Variants in NKAIN2 observed in about 807,000 individuals in gnomAD.
NKAIN2 encodes the protein sodium/potassium transporting ATPase interacting 2, also known as sodium/potassium-transporting ATPase subunit beta-1-interacting protein 2.
In NKAIN2, 14 loss-of-function variants were observed where a neutral mutation model predicts 32.6. The observed-to-expected ratio is 0.43, with a 90% CI of 0.28 to 0.67. The LOEUF is 0.67. Among genes scored for constraint, NKAIN2 ranks in the 30% least tolerant of loss-of-function variants. NKAIN2 has a pLI of 0.17. For synonymous variants in NKAIN2, 80 were observed against 87.2 expected (o/e 0.92, Z 0.46); for missense variants, 198 against 258.3 (o/e 0.77, Z 1.60).
Position 124,587,381 on chromosome 6 carries a change from G to A in NKAIN2, c.274-70805G>A, listed in dbSNP as rs144734350. Among the ~76,000 whole-genome samples, 135 of 151,802 alleles carry A rather than the reference G, an allele frequency of 8.9e-4. No homozygotes were observed. In the East Asian group the frequency reaches 0.022, roughly 25 times the overall value. On this transcript the variant is annotated intron_variant, in intron 3 of 6. Coordinates refer to ENST00000368417, the MANE Select transcript of NKAIN2 (RefSeq NM_001040214.3). ...ATTACAGGCGCATGCCACCACGCCCGGCTAATTTTTGTATTTTTAGTAGAG... is the reference window on the plus strand; with the variant it reads ...ATTACAGGCGCATGCCACCACGCCCAGCTAATTTTTGTATTTTTAGTAGAG...
intron 1 of NKAIN2, among the ~76,000 whole-genome samples, chr6:124,016,593 C>T (rs991035099): frequency 2.6e-5 from 4 of 152,166 alleles, no homozygotes; most frequent in African/African-American, 9.7e-5. Flanking sequence ...GAGCCTACTA[C>T]TCTGGACCAC....
At chr6:124,653,044 T>C (rs1234911906) in intron 3 of NKAIN2, among the ~76,000 whole-genome samples, 1 of 152,204 alleles carries the variant, frequency 6.6e-6, no homozygotes, top group Non-Finnish European at 1.5e-5. Flanking sequence ...TCAATGTTTA[T>C]GGATAGAAAG....
chr6:124,429,977 G>T (rs1775144910), intron 3 of NKAIN2, among the ~76,000 whole-genome samples: 2 of 151,020 alleles, frequency 1.3e-5, no homozygotes, highest in Non-Finnish European at 3.0e-5. Flanking sequence ...TTAGGTAGAT[G>T]AAATGAGGCA....
intron 3 of NKAIN2, among the ~76,000 whole-genome samples, chr6:124,620,841 A>G (rs1250924899): frequency 6.6e-6 from 1 of 152,226 alleles, no homozygotes; most frequent in Non-Finnish European, 1.5e-5. Context: ...AACTCCTGCT[A>G]AAGAAAACTT....
chr6:124,249,551 T>C (rs1793591462), intron 1 of NKAIN2, among the ~76,000 whole-genome samples: 2 of 152,070 alleles, frequency 1.3e-5, no homozygotes, highest in Admixed American at 1.3e-4. Context: ...TGAGCACAAC[T>C]CTTCTTACTG....
At chr6:124,201,297 A>G (rs974094259) in intron 1 of NKAIN2, among the ~76,000 whole-genome samples, 2 of 152,028 alleles carry the variant, frequency 1.3e-5, no homozygotes, top group Non-Finnish European at 2.9e-5. Flanking sequence ...TAATTAAAAT[A>G]AATATGCATT....
chr6:124,712,251 G>C (rs1775521540), intron 4 of NKAIN2, among the ~76,000 whole-genome samples: 1 of 143,868 alleles, frequency 7.0e-6, no homozygotes, highest in Non-Finnish European at 1.5e-5. Flanking sequence ...TAAGTCTGCA[G>C]AGGTTACTGC....
At chr6:124,090,265 C>T (rs1290211144) in intron 1 of NKAIN2, among the ~76,000 whole-genome samples, 1 of 151,962 alleles carries the variant, frequency 6.6e-6, no homozygotes, top group African/African-American at 2.4e-5. Flanking sequence ...GATTCTTTAA[C>T]TGAAGTCAAA....
intron 1 of NKAIN2, among the ~76,000 whole-genome samples, chr6:124,024,909 C>T (rs1395593492): frequency 1.3e-5 from 2 of 151,800 alleles, no homozygotes; most frequent in African/African-American, 4.8e-5. Flanking sequence ...ATCGCTTGAA[C>T]TTGGGAGGCA....
rs1324677270 is a variant in NKAIN2 at position 124,447,661 on chromosome 6, G to A, written c.273+92314G>A. Among the ~76,000 whole-genome samples, 4 of 152,126 alleles carry A rather than the reference G, an allele frequency of 2.6e-5. No homozygotes were observed. In the East Asian group the frequency reaches 7.7e-4, roughly 29 times the overall value. On this transcript the variant is annotated intron_variant, in intron 3 of 6. Transcript: ENST00000368417. ...AAGAACAGGTCATAGAATCTTAATT[G>A]ACTTCAGCTATTTCAAGCATTCTGC... is the stretch of plus-strand genomic sequence containing the variant.
At chr6:123,867,519 A>G (rs1236388262) in intron 1 of NKAIN2, among the ~76,000 whole-genome samples, 1 of 152,216 alleles carries the variant, frequency 6.6e-6, no homozygotes, top group Non-Finnish European at 1.5e-5. Flanking sequence ...GAATAAAAGT[A>G]TTTACTTCAC....
intron 3 of NKAIN2, among the ~76,000 whole-genome samples, chr6:124,442,404 T>C (rs1008299578): frequency 2.6e-5 from 4 of 152,100 alleles, no homozygotes; most frequent in African/African-American, 9.7e-5. Flanking sequence ...AGCTGATTGA[T>C]GCATGGCCCA....
chr6:124,307,774 A>G (rs1796563950), intron 2 of NKAIN2, among the ~76,000 whole-genome samples: 2 of 152,162 alleles, frequency 1.3e-5, no homozygotes, highest in African/African-American at 2.4e-5. Context: ...AGAGCTAGCA[A>G]TCTATTCCAA....
chr6:123,994,053 G>C (rs1779516754), intron 1 of NKAIN2, among the ~76,000 whole-genome samples: 1 of 152,138 alleles, frequency 6.6e-6, no homozygotes, highest in African/African-American at 2.4e-5. Flanking sequence ...CTTCCCCAGA[G>C]AGAACTCAGA....
chr6:124,772,263 T>C (rs1359864281), intron 4 of NKAIN2, among the ~76,000 whole-genome samples: 1 of 152,046 alleles, frequency 6.6e-6, no homozygotes. Flanking sequence ...CTTTGTAGGG[T>C]GGAAGTATAG....
chr6:124,390,883 G>A (rs1327300189), intron 3 of NKAIN2: 1 of 151,950 alleles, frequency 6.6e-6, no homozygotes, highest in African/African-American at 2.4e-5. Flanking sequence ...GCAATGCCAG[G>A]GGATATAGCA....
chr6:123,855,079 A>G (rs1396898489), intron 1 of NKAIN2, among the ~76,000 whole-genome samples: 2 of 152,236 alleles, frequency 1.3e-5, no homozygotes, highest in Non-Finnish European at 2.9e-5. Flanking sequence ...ATAAAATAGC[A>G]TACAAGAAAA....
chr6:124,042,727 T>G (rs1781927243), intron 1 of NKAIN2, among the ~76,000 whole-genome samples: 2 of 152,078 alleles, frequency 1.3e-5, no homozygotes, highest in Non-Finnish European at 2.9e-5. Context: ...GAATAAATAG[T>G]ATGCTCAATT....
intron 1 of NKAIN2, among the ~76,000 whole-genome samples, chr6:123,890,247 C>G (rs1773938231): frequency 6.6e-6 from 1 of 151,884 alleles, no homozygotes; most frequent in African/African-American, 2.4e-5. Context: ...TCCCTGTCAT[C>G]TTTGGAGTTT....
Sources: gnomAD v4.1 joint callset for allele counts (sites outside exome capture counted in the v4.1 genomes callset) on GRCh38, gnomAD v4.1.1 for gene constraint, MANE v1.5 for transcripts, NCBI Gene and HGNC (gene_info 2026-07-23, HGNC 2026-07-21) for gene names.